The following DTWD2 variants were observed in gnomAD, a reference collection of about 807,000 sequenced individuals.
DTWD2 encodes tRNA-uridine aminocarboxypropyltransferase 2.
In DTWD2, 39 loss-of-function variants were observed where a neutral mutation model predicts 31.8. That is an observed-to-expected ratio of 1.22 (90% CI 0.95 to 1.60). The LOEUF (loss-of-function observed/expected upper bound fraction) is 1.60, where lower values mean the gene tolerates loss of function less well. DTWD2 is among the 40% of genes most tolerant of loss of function. DTWD2 has a pLI of 0.00. For missense variants in DTWD2, 515 were observed against 381.5 expected (o/e 1.35, Z -2.92); for synonymous variants, 180 against 142.8 (o/e 1.26, Z -1.86).
At chr5:118,874,681 T>G (rs573101213) in intron 4 of DTWD2, among the ~76,000 whole-genome samples, 110 of 151,850 alleles carry the variant, frequency 7.2e-4, no homozygotes, top group African/African-American at 2.6e-3. Flanking sequence ...AGAAAAGGAA[T>G]GAACAAAACC....
At chr5:118,979,078 G>A (rs1186083101) in intron 1 of DTWD2, among the ~76,000 whole-genome samples, 2 of 152,142 alleles carry the variant, frequency 1.3e-5, no homozygotes, top group African/African-American at 2.4e-5. Context: ...GCCAAGGCGG[G>A]TGGATCACAA....
At chr5:118,922,297 C>T (rs984105978) in intron 4 of DTWD2, among the ~76,000 whole-genome samples, 4 of 152,140 alleles carry the variant, frequency 2.6e-5, no homozygotes, top group South Asian at 4.2e-4. Flanking sequence ...ATTAGGAGGG[C>T]GAAAAAACTA....
chr5:118,845,880 C>G (rs1332011952), intron 5 of DTWD2, among the ~76,000 whole-genome samples: 1 of 152,100 alleles, frequency 6.6e-6, no homozygotes, highest in Non-Finnish European at 1.5e-5. Flanking sequence ...GATATCACAT[C>G]ACAAAGCACA....
intron 1 of DTWD2, among the ~76,000 whole-genome samples, chr5:118,950,716 T>C (rs990126085): frequency 4.6e-5 from 7 of 152,354 alleles, no homozygotes; most frequent in South Asian, 2.1e-4. Flanking sequence ...CTGACCACTG[T>C]GGCTTAGGCG....
intron 1 of DTWD2, among the ~76,000 whole-genome samples, chr5:118,975,976 G>A (rs1447292767): frequency 1.3e-5 from 2 of 152,086 alleles, no homozygotes; most frequent in East Asian, 3.9e-4. Context: ...CAAAAGAATG[G>A]AAATCATAAC....
intron 4 of DTWD2, among the ~76,000 whole-genome samples, chr5:118,896,923 A>C (rs1202306191): frequency 6.6e-6 from 1 of 152,226 alleles, no homozygotes; most frequent in Non-Finnish European, 1.5e-5. Context: ...GCCCAGCCTA[A>C]CCATTAGACG....
intron 1 of DTWD2, among the ~76,000 whole-genome samples, chr5:118,972,283 G>T (rs898433387): frequency 2.0e-5 from 3 of 152,120 alleles, no homozygotes; most frequent in African/African-American, 7.2e-5. Context: ...GAAATGATAA[G>T]GGGGATATCA....
chr5:118,977,723 G>A lies in DTWD2; in HGVS notation c.218+10571C>T, dbSNP rs530230168. ...AAATGGGAAAACATTCCATGCTCAC[G>A]GACAGGAAGAATCAATATTGTGAAA... is the stretch of plus-strand genomic sequence containing the variant. On this transcript the variant is annotated intron_variant, in intron 1 of 5. Transcript: ENST00000510708. Among the ~76,000 whole-genome samples, 318 of 152,226 alleles carry A rather than the reference G, an allele frequency of 2.1e-3. 9 individuals carry two copies. The highest frequency in any genetic ancestry group is 2.7e-3 in the Non-Finnish European group (181 of 68,008).
intron 4 of DTWD2, among the ~76,000 whole-genome samples, chr5:118,910,438 T>A (rs902158609): frequency 5.3e-5 from 8 of 152,196 alleles, no homozygotes; most frequent in Non-Finnish European, 8.8e-5. Context: ...TGAGACCTCA[T>A]CAGAATGGCA....
chr5:118,918,421 G>C (rs550395279), intron 4 of DTWD2, among the ~76,000 whole-genome samples: 164 of 150,704 alleles, frequency 1.1e-3, no homozygotes, highest in Non-Finnish European at 2.1e-3. Flanking sequence ...CCGCCTCCTG[G>C]TGAACACTAG....
intron 4 of DTWD2, among the ~76,000 whole-genome samples, chr5:118,912,849 G>A (rs1753488622): frequency 6.6e-6 from 1 of 152,114 alleles, no homozygotes; most frequent in Non-Finnish European, 1.5e-5. Flanking sequence ...AAATGAATTG[G>A]GTAAATGTAT....
Position 118,988,288 on chromosome 5 carries a change from G to T in DTWD2, c.218+6C>A. ...CTGCAGTCCCCGCCCCCAGCCCCGC[G>T]GTCACCTGCAGCGGGTGCACTCAGG... On this transcript the variant is annotated splice_donor_region_variant and intron_variant, in intron 1 of 5. Transcript: ENST00000510708. 1.3e-6 allele frequency: 2 copies of T among 1,524,130 alleles called. No individual in the cohort carries two copies. The allele number at this position is 1,524,130 out of a possible 1,614,324, so 94.4% of individuals were successfully genotyped here. A position where few individuals can be genotyped will look rare whatever the true frequency, so the allele number is the denominator to read the frequency against.
intron 4 of DTWD2, among the ~76,000 whole-genome samples, chr5:118,894,038 C>T (rs1753030870): frequency 7.0e-6 from 1 of 143,204 alleles, no homozygotes; most frequent in Admixed American, 7.0e-5. Flanking sequence ...GAGACTCTGT[C>T]TCAAAAAAAA....
At chr5:118,918,720 G>C (rs1039065678) in intron 4 of DTWD2, among the ~76,000 whole-genome samples, 1 of 151,872 alleles carries the variant, frequency 6.6e-6, no homozygotes, top group Non-Finnish European at 1.5e-5. Flanking sequence ...AGGCTTAGTG[G>C]CTCACAACTG....
chr5:118,880,481 A>G (rs1752717102), intron 4 of DTWD2, among the ~76,000 whole-genome samples: 1 of 152,104 alleles, frequency 6.6e-6, no homozygotes. Flanking sequence ...CCGTTATTAT[A>G]TTTACTTATT....
In DTWD2 at chr5:118,988,388, C is replaced by T; in HGVS notation, c.124G>A (p.Ala42Thr). Residue 42 changes from alanine (A) to threonine (T), a missense_variant, in exon 1 of 6, where the codon GCC becomes ACC. Transcript: ENST00000510708. ...REGGAVPAAA[A>T]LGAEADDDSA... ...TCGTCGTCCGCCTCTGCGCCCAGGGCAGCCGCCGCCGGCACTGCGCCGCCC... is the reference window on the plus strand; with the variant it reads ...TCGTCGTCCGCCTCTGCGCCCAGGGTAGCCGCCGCCGGCACTGCGCCGCCC... 1 of 1,588,298 alleles carries T rather than the reference C, an allele frequency of 6.3e-7. No individual in the cohort carries two copies. Among genetic ancestry groups the T allele is most frequent in the South Asian group, 1.1e-5 (1 of 88,052 alleles).
chr5:118,902,202 G>T (rs1753227918), intron 4 of DTWD2, among the ~76,000 whole-genome samples: 1 of 151,966 alleles, frequency 6.6e-6, no homozygotes, highest in African/African-American at 2.4e-5. Flanking sequence ...CTACAAATGT[G>T]CTACTTGAAA....
chr5:118,918,630 T>C (rs1056737382), intron 4 of DTWD2, among the ~76,000 whole-genome samples: 1 of 152,136 alleles, frequency 6.6e-6, no homozygotes, highest in Non-Finnish European at 1.5e-5. Context: ...CATCATCCAA[T>C]GCCAAGAGCC....
chr5:118,988,378 G>A lies in DTWD2; in HGVS notation c.134C>T (p.Ala45Val), dbSNP rs1755484492. The change falls in exon 1 of 6, where the codon GCA becomes GTA. Residue 45 changes from alanine (A) to valine (V), a missense_variant. By Grantham distance (64) the Ala-to-Val change is moderately conservative. Coordinates refer to ENST00000510708, the MANE Select transcript of DTWD2 (RefSeq NM_173666.4). ...GAVPAAAALG[A>V]EADDDSADGL... Reference sequence around the variant, plus strand: ...GTCCGCACTGTCGTCGTCCGCCTCTGCGCCCAGGGCAGCCGCCGCCGGCAC... The same window carrying A: ...GTCCGCACTGTCGTCGTCCGCCTCTACGCCCAGGGCAGCCGCCGCCGGCAC... The A allele has an allele frequency of 1.9e-6, 3 of 1,581,966 alleles. No individual in the cohort carries two copies. Among genetic ancestry groups the A allele is most frequent in the East Asian group, 2.3e-5 (1 of 43,138 alleles).
Sources: allele counts gnomAD v4.1 joint callset (sites outside exome capture counted in the v4.1 genomes callset), GRCh38; gene constraint gnomAD v4.1.1; transcripts MANE v1.5; gene names NCBI Gene and HGNC (gene_info 2026-07-23, HGNC 2026-07-21).